Variants in SYN2 observed in about 807,000 individuals in gnomAD.
SYN2 encodes the protein synapsin II, also known as synapsin-2.
Under a neutral mutation model 50.9 loss-of-function variants are expected in SYN2, and 19 were observed. The observed-to-expected ratio is 0.37, with a 90% CI of 0.26 to 0.55. SYN2 has a LOEUF of 0.55. Ranked by LOEUF, SYN2 falls within the 20% of genes least tolerant of loss-of-function variation. SYN2 has a pLI of 0.81. For synonymous variants in SYN2, 255 were observed against 224.9 expected, an observed-to-expected ratio of 1.13 and a Z score of -1.20; for missense variants, 587 against 576.4, an observed-to-expected ratio of 1.02 and a Z score of -0.19.
chr3:12,127,440 G>T (rs1195649953), intron 1 of SYN2, among the ~76,000 whole-genome samples: 2 of 152,192 alleles, frequency 1.3e-5, no homozygotes, highest in Non-Finnish European at 2.9e-5. Context: ...TTGCCTATGA[G>T]AGGATAGCAT....
chr3:12,116,517 T>A (rs1696436604), intron 1 of SYN2, among the ~76,000 whole-genome samples: 1 of 152,192 alleles, frequency 6.6e-6, no homozygotes, highest in African/African-American at 2.4e-5. Flanking sequence ...GAATATCCAC[T>A]GTCTTAGGTT....
chr3:12,119,579 T>C (rs1158789987), intron 1 of SYN2, among the ~76,000 whole-genome samples: 3 of 152,316 alleles, frequency 2.0e-5, no homozygotes, highest in Non-Finnish European at 4.4e-5. Context: ...GCATCAGTGC[T>C]GTGGTTTGGC....
chr3:12,033,928 T>C (rs1457717246), intron 1 of SYN2, among the ~76,000 whole-genome samples: 8 of 152,246 alleles, frequency 5.3e-5, no homozygotes, highest in South Asian at 2.1e-4. Context: ...TATTTACTTA[T>C]CAGTTGATGG....
At chr3:12,040,433 T>TC (rs1163910852) in intron 1 of SYN2, among the ~76,000 whole-genome samples, 2 of 106,864 alleles carry the variant, frequency 1.9e-5, no homozygotes, top group Non-Finnish European at 2.1e-5. Context: ...TCTGTTTCTT[T>TC]TTTTTTTTTT....
Position 12,027,661 on chromosome 3 carries a change from C to A in SYN2, c.377+22733C>A, listed in dbSNP as rs74947968. On this transcript the variant is annotated intron_variant, in intron 1 of 12. Transcript: ENST00000621198. ...CCTTATGTCTTCAAAGAGATATTAT[C>A]TCCGTTTAGCATATGAGCAGATGGT... Among the ~76,000 whole-genome samples the A allele has an allele frequency of 6.7e-3, 1,020 of 152,270 alleles. 8 individuals are homozygous for A. The highest frequency in any genetic ancestry group is 0.023 in the African/African-American group (970 of 41,552).
At chr3:12,174,422 A>G (rs1698013347) in intron 10 of SYN2, among the ~76,000 whole-genome samples, 1 of 152,010 alleles carries the variant, frequency 6.6e-6, no homozygotes, top group Non-Finnish European at 1.5e-5. Flanking sequence ...ACTGTGCCCT[A>G]GCCACACTGG....
At chr3:12,114,818 A>C (rs891287136) in intron 1 of SYN2, among the ~76,000 whole-genome samples, 10 of 152,162 alleles carry the variant, frequency 6.6e-5, no homozygotes, top group African/African-American at 2.2e-4. Flanking sequence ...AGAGAACCGT[A>C]ATGTAGGTTA....
chr3:12,191,211 G>A lies in SYN2; in HGVS notation c.*586G>A, dbSNP rs1028300358. The A allele has an allele frequency of 2.4e-5, 24 of 981,932 alleles. No individual in the cohort carries two copies. In the African/African-American group the frequency reaches 4.2e-4, roughly 17 times the overall value. 60.8% of individuals were successfully genotyped at this position (981,932 alleles called of 1,614,324 possible). Reference sequence around the variant, plus strand: ...ACCTTGAGTCTGCTGATATTCGGGAGAACAAGGATCTGCAGTTTCCCCTTT... The same window carrying A: ...ACCTTGAGTCTGCTGATATTCGGGAAAACAAGGATCTGCAGTTTCCCCTTT... On this transcript the variant is annotated 3_prime_UTR_variant, in exon 13 of 13. Transcript: ENST00000621198.
chr3:12,098,625 A>G (rs1018823335), intron 1 of SYN2, among the ~76,000 whole-genome samples: 3 of 151,968 alleles, frequency 2.0e-5, no homozygotes, highest in Non-Finnish European at 4.4e-5. Context: ...AATTTAGCAC[A>G]AAAGAGATTA....
intron 1 of SYN2, among the ~76,000 whole-genome samples, chr3:12,059,229 G>T (rs552356925): frequency 6.6e-6 from 1 of 152,306 alleles, no homozygotes; most frequent in South Asian, 2.1e-4. Flanking sequence ...ATAGGCAGGA[G>T]TAAATTTCAG....
chr3:12,094,873 A>G (rs1414269176), intron 1 of SYN2, among the ~76,000 whole-genome samples: 1 of 152,216 alleles, frequency 6.6e-6, no homozygotes, highest in East Asian at 1.9e-4. Flanking sequence ...AAAAACAGGT[A>G]TGGAAGGGAA....
At chr3:12,098,701 T>C (rs665505) in intron 1 of SYN2, among the ~76,000 whole-genome samples, 141,253 of 151,634 alleles carry the variant, frequency 0.93, 65,871 homozygotes, top group East Asian at 1. Context: ...TCAGATGTAA[T>C]TCCTACCTTA....
intron 1 of SYN2, among the ~76,000 whole-genome samples, chr3:12,011,831 A>C (rs2125130821): frequency 6.6e-6 from 1 of 152,330 alleles, no homozygotes; most frequent in South Asian, 2.1e-4. Flanking sequence ...TAGTTTCATT[A>C]CCTGTAAAGT....
chr3:12,123,936 G>A (rs534976525), intron 1 of SYN2, among the ~76,000 whole-genome samples: 39 of 152,118 alleles, frequency 2.6e-4, no homozygotes, highest in African/African-American at 8.2e-4. Flanking sequence ...TCTTGAGCCC[G>A]GGAGGTTGAG....
intron 1 of SYN2, among the ~76,000 whole-genome samples, chr3:12,068,985 G>T (rs1340730050): frequency 2.0e-5 from 3 of 152,182 alleles, no homozygotes; most frequent in African/African-American, 4.8e-5. Context: ...AGAGTTGCCT[G>T]TTCTGAACAC....
rs1410364623 is a variant in SYN2 at position 12,029,137 on chromosome 3, C to T, written c.377+24209C>T. 1.8e-3 allele frequency among the ~76,000 whole-genome samples: 149 copies of T among 84,498 alleles called. 2 individuals carry two copies. Among genetic ancestry groups the T allele is most frequent in the East Asian group, 0.015 (49 of 3,224 alleles). 55.4% of individuals were successfully genotyped at this position (84,498 alleles called of 152,430 possible). ...AGCACCATTTATTAAATAGGGAATC[C>T]TTTCCCCATTGCTTGTTTTTCTCAG... On this transcript the variant is annotated intron_variant, in intron 1 of 12. Transcript: ENST00000621198.
At chr3:12,172,401 G>A (rs1697956168) in intron 10 of SYN2, among the ~76,000 whole-genome samples, 1 of 152,152 alleles carries the variant, frequency 6.6e-6, no homozygotes, top group African/African-American at 2.4e-5. Context: ...ACAGTTCTCT[G>A]GAAGAACTCA....
intron 1 of SYN2, among the ~76,000 whole-genome samples, chr3:12,047,956 G>C (rs946407537): frequency 6.6e-6 from 1 of 152,126 alleles, no homozygotes; most frequent in Non-Finnish European, 1.5e-5. Context: ...GAGTACTTTG[G>C]TTTCCTTGGT....
chr3:12,043,794 G>A (rs771615449), intron 1 of SYN2, among the ~76,000 whole-genome samples: 58 of 152,090 alleles, frequency 3.8e-4, no homozygotes, highest in Non-Finnish European at 6.2e-4. Context: ...CTTCCCCCAC[G>A]TCTGTACCTA....
Sources: gnomAD v4.1 joint callset for allele counts (sites outside exome capture counted in the v4.1 genomes callset) on GRCh38, gnomAD v4.1.1 for gene constraint, MANE v1.5 for transcripts, NCBI Gene and HGNC (gene_info 2026-07-23, HGNC 2026-07-21) for gene names.